The following KCNH5 variants were observed in gnomAD, a reference collection of about 807,000 sequenced individuals.
The protein encoded by KCNH5 is potassium voltage-gated channel subfamily H member 5.
In KCNH5, 46 loss-of-function variants were observed where a neutral mutation model predicts 96.1. The observed-to-expected ratio is 0.48, with a 90% CI of 0.38 to 0.61. The LOEUF is 0.61. Ranked by LOEUF, KCNH5 falls within the 20% of genes least tolerant of loss-of-function variation. KCNH5 has a pLI of 0.00. For missense variants in KCNH5, 907 were observed against 1,225.8 expected (o/e 0.74, Z 3.88); for synonymous variants, 439 against 449.8 (o/e 0.98, Z 0.30).
intron 7 of KCNH5, among the ~76,000 whole-genome samples, chr14:62,908,782 A>ATTTTTTTTTTTTTTTTTTTT (rs71120241): frequency 2.5e-4 from 6 of 23,718 alleles, no homozygotes; most frequent in Non-Finnish European, 3.5e-4. Flanking sequence ...TTTGCTTTGT[A>ATTTTTTTTTTTTTTTTTTTT]TTTTTTTTTT....
Position 62,949,106 on chromosome 14 carries a change from A to G in KCNH5, c.1369+1027T>C, listed in dbSNP as rs866239904. Among the ~76,000 whole-genome samples the G allele has an allele frequency of 2.3e-3, 351 of 151,966 alleles. 1 individual carries two copies. Among genetic ancestry groups the G allele is most frequent in the African/African-American group, 6.2e-3 (257 of 41,348 alleles). ...TCCCTTTGAAAACTGGCACAAGACA[A>G]GGATGCCCTCTCTCACCACTCCTAT... On this transcript the variant is annotated intron_variant, in intron 7 of 10. Coordinates refer to ENST00000322893, the MANE Select transcript of KCNH5 (RefSeq NM_139318.5).
intron 7 of KCNH5, among the ~76,000 whole-genome samples, chr14:62,853,225 T>A (rs1203165718): frequency 6.6e-6 from 1 of 151,964 alleles, no homozygotes; most frequent in Non-Finnish European, 1.5e-5. Flanking sequence ...TCTACCAGCA[T>A]CCTTGCAGTC....
chr14:62,902,487 T>C (rs1474753846), intron 7 of KCNH5, among the ~76,000 whole-genome samples: 1 of 152,182 alleles, frequency 6.6e-6, no homozygotes. Context: ...TTCTTTCTTT[T>C]ATATAAAATA....
intron 10 of KCNH5, among the ~76,000 whole-genome samples, chr14:62,765,517 A>C (rs1314390666): frequency 6.6e-6 from 1 of 152,220 alleles, no homozygotes; most frequent in Non-Finnish European, 1.5e-5. Flanking sequence ...AAAAATTGAC[A>C]AATGGGACCT....
chr14:62,870,645 T>C (rs1176900641), intron 7 of KCNH5, among the ~76,000 whole-genome samples: 2 of 152,196 alleles, frequency 1.3e-5, no homozygotes, highest in African/African-American at 4.8e-5. Flanking sequence ...TATAGGATAA[T>C]GCATGGAAAC....
chr14:62,935,405 G>T (rs1266230334), intron 7 of KCNH5, among the ~76,000 whole-genome samples: 1 of 152,014 alleles, frequency 6.6e-6, no homozygotes, highest in Non-Finnish European at 1.5e-5. Flanking sequence ...CATAAAGAAA[G>T]AATTAAAGAA....
chr14:63,005,551 C>A (rs1891108981), intron 3 of KCNH5, among the ~76,000 whole-genome samples: 1 of 152,046 alleles, frequency 6.6e-6, no homozygotes, highest in Non-Finnish European at 1.5e-5. Flanking sequence ...TTGCTATTAA[C>A]AATAAATAAA....
At chr14:62,868,292 A>G (rs1888176341) in intron 7 of KCNH5, among the ~76,000 whole-genome samples, 1 of 152,220 alleles carries the variant, frequency 6.6e-6, no homozygotes, top group African/African-American at 2.4e-5. Flanking sequence ...CTCTTACTAC[A>G]GTGTCTGACA....
At chr14:62,749,383 C>T (rs756066297) in intron 10 of KCNH5, among the ~76,000 whole-genome samples, 4 of 152,144 alleles carry the variant, frequency 2.6e-5, no homozygotes, top group Non-Finnish European at 5.9e-5. Flanking sequence ...CCTGTTTATT[C>T]CCAGAAGTTT....
intron 7 of KCNH5, among the ~76,000 whole-genome samples, chr14:62,932,958 C>A (rs1889608551): frequency 6.6e-6 from 1 of 152,126 alleles, no homozygotes; most frequent in African/African-American, 2.4e-5. Context: ...TTTATCTATA[C>A]TTTCTCTAGA....
chr14:62,882,052 C>T (rs1481427096), intron 7 of KCNH5, among the ~76,000 whole-genome samples: 1 of 145,954 alleles, frequency 6.9e-6, no homozygotes, highest in African/African-American at 2.6e-5. Flanking sequence ...TCCATTGAGG[C>T]CCAGAGTTTG....
chr14:62,721,289 A>C (rs6573459), intron 10 of KCNH5, among the ~76,000 whole-genome samples: 143,303 of 152,212 alleles, frequency 0.94, 68,021 homozygotes, highest in East Asian at 1. Flanking sequence ...CTTTTGGGCT[A>C]ATAGAAAAAA....
Position 62,701,918 on chromosome 14 carries a change from C to T in KCNH5, c.*5590G>A, listed in dbSNP as rs146715520. The T allele has an allele frequency of 6.6e-6, 1 of 151,870 alleles. No homozygotes were observed. The highest frequency in any genetic ancestry group is 2.4e-5 in the African/African-American group (1 of 41,350). 9.4% of individuals were successfully genotyped at this position (151,870 alleles called of 1,614,324 possible). On this transcript the variant is annotated 3_prime_UTR_variant, in exon 11 of 11. Coordinates refer to ENST00000322893, the MANE Select transcript of KCNH5 (RefSeq NM_139318.5). ...GATAATGTATTTAATAGTGGTTTGGCCAAGAAGCCAACATCAGTGCAATCA... is the reference window on the plus strand; with the variant it reads ...GATAATGTATTTAATAGTGGTTTGGTCAAGAAGCCAACATCAGTGCAATCA...
intron 7 of KCNH5, among the ~76,000 whole-genome samples, chr14:62,885,712 A>G (rs1888582364): frequency 6.6e-6 from 1 of 152,218 alleles, no homozygotes; most frequent in Admixed American, 6.5e-5. Flanking sequence ...TAATTAAATG[A>G]GTTCTTTAAA....
chr14:62,784,438 A>G (rs1457022600), intron 9 of KCNH5, among the ~76,000 whole-genome samples: 1 of 152,198 alleles, frequency 6.6e-6, no homozygotes, highest in African/African-American at 2.4e-5. Flanking sequence ...GGAATACAAG[A>G]CTAAAAGAAA....
chr14:62,795,001 A>C (rs2139992538), intron 9 of KCNH5, among the ~76,000 whole-genome samples: 1 of 152,276 alleles, frequency 6.6e-6, no homozygotes, highest in African/African-American at 2.4e-5. Flanking sequence ...GTGATGGAGA[A>C]CAAGAAAGGA....
chr14:62,844,701 T>TA (rs1157961695), intron 8 of KCNH5, among the ~76,000 whole-genome samples: 2 of 152,192 alleles, frequency 1.3e-5, no homozygotes, highest in Non-Finnish European at 1.5e-5. Flanking sequence ...TGTTCTATAT[T>TA]AAAAAATATT....
At chr14:63,008,423 C>T (rs1157102057) in intron 2 of KCNH5, among the ~76,000 whole-genome samples, 1 of 151,444 alleles carries the variant, frequency 6.6e-6, no homozygotes, top group Non-Finnish European at 1.5e-5. Flanking sequence ...CCAGTAATGA[C>T]ACACAGGATC....
intron 6 of KCNH5, among the ~76,000 whole-genome samples, chr14:62,954,951 C>A (rs908711771): frequency 6.6e-6 from 1 of 152,112 alleles, no homozygotes; most frequent in African/African-American, 2.4e-5. Flanking sequence ...TTATCTCCAA[C>A]TGGTCCCTCT....
Sources: gnomAD v4.1 joint callset for allele counts (sites outside exome capture counted in the v4.1 genomes callset) on GRCh38, gnomAD v4.1.1 for gene constraint, MANE v1.5 for transcripts, NCBI Gene and HGNC (gene_info 2026-07-23, HGNC 2026-07-21) for gene names.